Variants in TMTC1 observed in about 807,000 individuals in gnomAD.
TMTC1 encodes protein O-mannosyl-transferase TMTC1.
In TMTC1, 73 loss-of-function variants were observed where a neutral mutation model predicts 104.8. The ratio of observed to expected loss-of-function variants is 0.70; its 90% CI spans 0.58 to 0.85. The LOEUF is 0.85. Ranked by LOEUF, TMTC1 falls within the 40% of genes least tolerant of loss-of-function variation. The probability of loss-of-function intolerance (pLI) is 0.00; values close to 1 mark genes in which losing one functional copy is unlikely to be tolerated. For synonymous variants in TMTC1, 434 were observed against 428.7 expected (o/e 1.01, Z -0.15); for missense variants, 1,035 against 1,096.1 (o/e 0.94, Z 0.79).
At chr12:29,717,485 T>C (rs1942117096) in intron 5 of TMTC1, among the ~76,000 whole-genome samples, 1 of 152,228 alleles carries the variant, frequency 6.6e-6, no homozygotes, top group Non-Finnish European at 1.5e-5. Flanking sequence ...ACTAAGGCAG[T>C]GTTCCACTGA....
intron 4 of TMTC1, among the ~76,000 whole-genome samples, chr12:29,753,302 C>T (rs1376869079): frequency 1.3e-5 from 2 of 152,162 alleles, no homozygotes; most frequent in East Asian, 1.9e-4. Context: ...GAGTCCACGA[C>T]CCCCCAGATA....
In TMTC1 at chr12:29,602,024, C is replaced by T. The variant is rs147488544; in HGVS notation, c.1250+2154G>A. 3.1e-4 allele frequency among the ~76,000 whole-genome samples: 47 copies of T among 151,812 alleles called. No individual in the cohort carries two copies. The East Asian group carries it at 8.4e-3, about 27-fold the overall frequency. ...CTAATTTTTGTATTTTTAGTAAAGA[C>T]GGGGTTTCACTGTGTTAGCGAGGAT... On this transcript the variant is annotated intron_variant, in intron 7 of 17. Coordinates refer to ENST00000539277, the MANE Select transcript of TMTC1 (RefSeq NM_001193451.2).
chr12:29,576,223 T>C (rs11050298), intron 8 of TMTC1, among the ~76,000 whole-genome samples: 34,346 of 152,156 alleles, frequency 0.23, 4,060 homozygotes, highest in East Asian at 0.4. Context: ...TTTTGCTTGT[T>C]TCCTTTGCTG....
intron 1 of TMTC1, among the ~76,000 whole-genome samples, chr12:29,775,455 C>A (rs302321): frequency 0.24 from 37,037 of 152,024 alleles, 5,700 homozygotes; most frequent in Non-Finnish European, 0.35. Context: ...ATTAGAACAA[C>A]TCAGAGAAAT....
intron 9 of TMTC1, among the ~76,000 whole-genome samples, chr12:29,558,722 C>A (rs1379451427): frequency 1.3e-5 from 2 of 152,212 alleles, no homozygotes; most frequent in South Asian, 2.1e-4. Context: ...TCTCTCTGAT[C>A]GCTTTTAATT....
At position 29,505,857 on chromosome 12, in the gene TMTC1, T is replaced by A. The variant is rs1006131295; in HGVS notation, c.*989A>T. 6.6e-6 allele frequency: 1 copy of A among 152,104 alleles called. No homozygotes were observed. The highest frequency in any genetic ancestry group is 1.5e-5 in the Non-Finnish European group (1 of 67,990). 9.4% of individuals were successfully genotyped at this position (152,104 alleles called of 1,614,324 possible). On this transcript the variant is annotated 3_prime_UTR_variant, in exon 18 of 18. Transcript: ENST00000539277. ...AAATAAATAGAGCTCTTTTTCCATCTAGTTAGAATCTATGAAGATTTCTGT... is the reference window on the plus strand; with the variant it reads ...AAATAAATAGAGCTCTTTTTCCATCAAGTTAGAATCTATGAAGATTTCTGT...
rs1565628545 is a variant in TMTC1, at chr12:29,503,388, G to A, written c.*3458C>T. On this transcript the variant is annotated 3_prime_UTR_variant, in exon 18 of 18. Coordinates refer to ENST00000539277, the MANE Select transcript of TMTC1 (RefSeq NM_001193451.2). ...TACTGTTAACAGATTGAAAGCATCT[G>A]AATCATTTAAAAAATCCTGAATGAA... The A allele has an allele frequency of 6.6e-6, 1 of 152,152 alleles. No individual in the cohort carries two copies. The highest frequency in any genetic ancestry group is 1.5e-5 in the Non-Finnish European group (1 of 68,032). 9.4% of individuals were successfully genotyped at this position (152,152 alleles called of 1,614,324 possible).
chr12:29,742,734 G>GCAT (rs1205852710), intron 5 of TMTC1, among the ~76,000 whole-genome samples: 3 of 152,144 alleles, frequency 2.0e-5, no homozygotes, highest in African/African-American at 7.2e-5. Flanking sequence ...AACAAGGATG[G>GCAT]CATTCATCAG....
intron 9 of TMTC1, among the ~76,000 whole-genome samples, chr12:29,565,132 G>C (rs1225670027): frequency 6.6e-6 from 1 of 152,192 alleles, no homozygotes; most frequent in Non-Finnish European, 1.5e-5. Flanking sequence ...GTAGGCGGCA[G>C]GCTGGGGACC....
At position 29,536,318 on chromosome 12, in the gene TMTC1, C is replaced by T; in HGVS notation, c.1677-1G>A. The T allele has an allele frequency of 6.3e-7, 1 of 1,586,780 alleles. No individual in the cohort carries two copies. The highest frequency in any genetic ancestry group is 8.6e-7 in the Non-Finnish European group (1 of 1,158,780). On this transcript the variant is annotated splice_acceptor_variant, in intron 10 of 17. Transcript: ENST00000539277. LOFTEE classifies it high-confidence loss of function. ...AGCTTCTTCCTTTTTCTCCTGGGAC[C>T]TATAGATAATAATGAAGGGGTGGGG...
At chr12:29,770,077 A>G (rs1943561525) in intron 1 of TMTC1, among the ~76,000 whole-genome samples, 2 of 152,074 alleles carry the variant, frequency 1.3e-5, no homozygotes, top group African/African-American at 2.4e-5. Flanking sequence ...GATAAATTTG[A>G]CTACTCCCAT....
chr12:29,573,995 G>A (rs1754327741), intron 8 of TMTC1, among the ~76,000 whole-genome samples: 1 of 151,880 alleles, frequency 6.6e-6, no homozygotes, highest in Non-Finnish European at 1.5e-5. Flanking sequence ...GGGAAAGGGA[G>A]GAAGTGGAAA....
intron 11 of TMTC1, among the ~76,000 whole-genome samples, chr12:29,527,041 A>C (rs1011884904): frequency 3.3e-5 from 5 of 152,168 alleles, no homozygotes; most frequent in African/African-American, 1.2e-4. Context: ...AGAGTGTCTC[A>C]AGTTAGTTGA....
At chr12:29,757,866 C>T (rs1387587831) in intron 3 of TMTC1, among the ~76,000 whole-genome samples, 1 of 151,988 alleles carries the variant, frequency 6.6e-6, no homozygotes, top group Non-Finnish European at 1.5e-5. Flanking sequence ...TCTCGTGAGA[C>T]TTATTCACTA....
intron 8 of TMTC1, among the ~76,000 whole-genome samples, chr12:29,578,715 G>A (rs1178913799): frequency 6.6e-6 from 1 of 152,090 alleles, no homozygotes; most frequent in Non-Finnish European, 1.5e-5. Flanking sequence ...ACATCAATTT[G>A]TTTTGTTGGC....
At chr12:29,656,986 A>T (rs756696849) in intron 5 of TMTC1, among the ~76,000 whole-genome samples, 19 of 152,224 alleles carry the variant, frequency 1.2e-4, no homozygotes, top group Non-Finnish European at 2.4e-4. Flanking sequence ...CCTTGGGACA[A>T]GCACTTGTTT....
chr12:29,607,353 AT>A (rs1946730165), intron 6 of TMTC1, among the ~76,000 whole-genome samples: 1 of 152,218 alleles, frequency 6.6e-6, no homozygotes, highest in Non-Finnish European at 1.5e-5. Context: ...GAATAAATCA[AT>A]TAAGTGAATA....
intron 11 of TMTC1, chr12:29,535,069 A>G (rs905328052): frequency 2.0e-5 from 3 of 152,314 alleles, no homozygotes; most frequent in African/African-American, 7.2e-5. Context: ...AAGCACACTT[A>G]GCACATCTGA....
intron 1 of TMTC1, among the ~76,000 whole-genome samples, chr12:29,779,985 T>C (rs1943796690): frequency 6.6e-6 from 1 of 152,096 alleles, no homozygotes; most frequent in African/African-American, 2.4e-5. Flanking sequence ...CCTATCAAAA[T>C]GGCTACAGTA....
Sources: allele counts gnomAD v4.1 joint callset (sites outside exome capture counted in the v4.1 genomes callset), GRCh38; gene constraint gnomAD v4.1.1; transcripts MANE v1.5; gene names NCBI Gene and HGNC (gene_info 2026-07-23, HGNC 2026-07-21).